PCDHA7: variants seen among roughly 807,000 people sequenced by gnomAD.
The protein encoded by PCDHA7 is protocadherin alpha 7.
In PCDHA7, 37 loss-of-function variants were observed where a neutral mutation model predicts 57.2. That is an observed-to-expected ratio of 0.65 (90% CI 0.50 to 0.85). The LOEUF (loss-of-function observed/expected upper bound fraction) is 0.85, where lower values mean the gene tolerates loss of function less well. Ranked by LOEUF, PCDHA7 falls within the 40% of genes least tolerant of loss-of-function variation. The probability of loss-of-function intolerance (pLI) is 0.00; values close to 1 mark genes in which losing one functional copy is unlikely to be tolerated. For synonymous variants in PCDHA7, 553 were observed against 558.8 expected (o/e 0.99, Z 0.15); for missense variants, 1,188 against 1,241.8 (o/e 0.96, Z 0.65).
At chr5:140,887,770 G>A (rs2061571546) in intron 1 of PCDHA7, among the ~76,000 whole-genome samples, 2 of 152,072 alleles carry the variant, frequency 1.3e-5, no homozygotes, top group South Asian at 4.1e-4. Flanking sequence ...ATGTTACAAT[G>A]ACACAGGTCA....
rs1241604273 is a variant in PCDHA7, at chr5:140,841,714, A to G, written c.2355+4976A>G. ...TGAAGGATGTTAATGACAACCCGCC[A>G]GTGTTCCGGGTAAAAGACCAAAAGC... On this transcript the variant is annotated intron_variant, in intron 1 of 3. Coordinates refer to ENST00000525929, the MANE Select transcript of PCDHA7 (RefSeq NM_018910.3). The G allele has an allele frequency of 2.5e-6, 4 of 1,613,762 alleles. No individual in the cohort carries two copies. In the African/African-American group the frequency reaches 4.0e-5, roughly 16 times the overall value.
intron 1 of PCDHA7, among the ~76,000 whole-genome samples, chr5:140,946,661 G>C (rs2094005923): frequency 7.6e-6 from 1 of 132,422 alleles, no homozygotes; most frequent in Non-Finnish European, 1.6e-5. Flanking sequence ...CCATTAGAAA[G>C]AATGAAATCC....
chr5:140,907,109 C>T (rs6883830), intron 1 of PCDHA7, among the ~76,000 whole-genome samples: 5,598 of 152,160 alleles, frequency 0.037, 292 homozygotes, highest in African/African-American at 0.12. Flanking sequence ...CCACTTCCAC[C>T]CCTTGATTCC....
intron 1 of PCDHA7, chr5:140,843,575 C>T (rs1778980486): frequency 6.3e-7 from 1 of 1,595,908 alleles, no homozygotes; most frequent in Non-Finnish European, 8.6e-7. Flanking sequence ...GTCATACTCG[C>T]AACAACAGCC....
At chr5:140,845,354 C>A (rs2150378670) in intron 1 of PCDHA7, among the ~76,000 whole-genome samples, 4 of 149,532 alleles carry the variant, frequency 2.7e-5, no homozygotes, top group Non-Finnish European at 6.0e-5. Context: ...ATTTAATTGA[C>A]TTTTACAAAA....
chr5:141,010,255 C>T lies in PCDHA7; in HGVS notation c.*318C>T. The T allele has an allele frequency of 6.4e-7, 1 of 1,551,816 alleles. No homozygotes were observed. Among genetic ancestry groups the T allele is most frequent in the Non-Finnish European group, 8.7e-7 (1 of 1,147,020 alleles). ...CCAGTGAGAGGTTGGACTCTCTGCC[C>T]TGTGCTCCGGGGATCCTGTCTTGAT... is the stretch of plus-strand genomic sequence containing the variant. On this transcript the variant is annotated 3_prime_UTR_variant, in exon 4 of 4. Coordinates refer to ENST00000525929, the MANE Select transcript of PCDHA7 (RefSeq NM_018910.3).
chr5:140,866,062 C>T (rs1312576527), intron 1 of PCDHA7: 2 of 152,092 alleles, frequency 1.3e-5, no homozygotes, highest in Non-Finnish European at 2.9e-5. Context: ...ATCAATGCCA[C>T]ACTGAGATAG....
intron 1 of PCDHA7, among the ~76,000 whole-genome samples, chr5:140,893,945 A>T (rs1293077869): frequency 6.6e-6 from 1 of 152,180 alleles, no homozygotes; most frequent in Non-Finnish European, 1.5e-5. Flanking sequence ...TTAATTCTGC[A>T]TGACTTTATT....
chr5:140,914,073 C>T (rs1314205032), intron 1 of PCDHA7, among the ~76,000 whole-genome samples: 2 of 152,120 alleles, frequency 1.3e-5, no homozygotes, highest in Non-Finnish European at 2.9e-5. Flanking sequence ...TGCTCCATAA[C>T]TATCTATTAG....
Position 140,929,475 on chromosome 5 carries a change from G to A in PCDHA7, c.2356-49474G>A, listed in dbSNP as rs1554207114. ...ACTTCCTGTGCCAAGAAATCTGGAA[G>A]TATAGAAGTATTAGAAGATTGCCCT... is the stretch of plus-strand genomic sequence containing the variant. On this transcript the variant is annotated intron_variant, in intron 1 of 3. Transcript: ENST00000525929. The A allele has an allele frequency of 4.0e-6, 5 of 1,251,128 alleles. No individual in the cohort carries two copies. The Middle Eastern group carries it at 8.1e-4, about 202-fold the overall frequency. The allele number at this position is 1,251,128 out of a possible 1,614,324, so 77.5% of individuals were successfully genotyped here. A position where few individuals can be genotyped will look rare whatever the true frequency, so the allele number is the denominator to read the frequency against.
intron 1 of PCDHA7, chr5:140,882,970 C>A (rs111935814): frequency 1.2e-6 from 2 of 1,614,130 alleles, no homozygotes; most frequent in African/African-American, 1.3e-5. Flanking sequence ...CGATTCTGGA[C>A]GTGAATGACA....
chr5:140,892,172 G>A (rs2063414943), intron 1 of PCDHA7, among the ~76,000 whole-genome samples: 1 of 152,100 alleles, frequency 6.6e-6, no homozygotes, highest in African/African-American at 2.4e-5. Flanking sequence ...CAGTAACTGG[G>A]ATCCTCATGG....
chr5:140,917,874 C>T (rs1240832097), intron 1 of PCDHA7, among the ~76,000 whole-genome samples: 2 of 151,008 alleles, frequency 1.3e-5, no homozygotes, highest in African/African-American at 4.9e-5. Context: ...ACTATTTGGG[C>T]TCTTTTTTTT....
chr5:140,961,728 A>G (rs2095632104), intron 1 of PCDHA7, among the ~76,000 whole-genome samples: 1 of 152,192 alleles, frequency 6.6e-6, no homozygotes, highest in East Asian at 1.9e-4. Context: ...GCTCATAAAC[A>G]ATCACTTTAG....
intron 1 of PCDHA7, chr5:140,842,416 T>C (rs1486970475): frequency 6.2e-7 from 1 of 1,613,166 alleles, no homozygotes; most frequent in Non-Finnish European, 8.5e-7. Flanking sequence ...ACGCTCAATT[T>C]GGTACTGTCA....
chr5:141,010,073 T>C lies in PCDHA7; in HGVS notation c.*136T>C. On this transcript the variant is annotated 3_prime_UTR_variant, in exon 4 of 4. Coordinates refer to ENST00000525929, the MANE Select transcript of PCDHA7 (RefSeq NM_018910.3). ...CCTCAGAAATCTGCAGAAAGTTCCC[T>C]GTGTCTGTCTAGAACGCATTTAACA... 6.2e-7 allele frequency: 1 copy of C among 1,606,602 alleles called. No individual in the cohort carries two copies. The highest frequency in any genetic ancestry group is 1.7e-5 in the Admixed American group (1 of 59,096).
At chr5:140,839,650 T>C (rs1297660391) in intron 1 of PCDHA7, among the ~76,000 whole-genome samples, 1 of 152,088 alleles carries the variant, frequency 6.6e-6, no homozygotes, top group African/African-American at 2.4e-5. Flanking sequence ...TCTTTACAAA[T>C]TGTTTGCTAC....
intron 1 of PCDHA7, chr5:140,882,751 T>C: frequency 6.2e-7 from 1 of 1,614,242 alleles, no homozygotes; most frequent in Non-Finnish European, 8.5e-7. Flanking sequence ...CCGATGCAGA[T>C]ATTGGAGTAA....
chr5:140,846,849 G>T (rs1318319896), intron 1 of PCDHA7, among the ~76,000 whole-genome samples: 1 of 149,562 alleles, frequency 6.7e-6, no homozygotes, highest in Non-Finnish European at 1.5e-5. Flanking sequence ...ACAATGCAAG[G>T]CAAGATAATG....
Sources: allele counts gnomAD v4.1 joint callset (sites outside exome capture counted in the v4.1 genomes callset), GRCh38; gene constraint gnomAD v4.1.1; transcripts MANE v1.5; gene names NCBI Gene and HGNC (gene_info 2026-07-23, HGNC 2026-07-21).